The following TPTE variants were observed in gnomAD, a reference collection of about 807,000 sequenced individuals.
TPTE encodes transmembrane phosphatase with tensin homology.
A neutral mutation model predicts 84.1 loss-of-function variants in TPTE; 59 were observed. That is an observed-to-expected ratio of 0.70 (90% CI 0.57 to 0.87). TPTE has a LOEUF of 0.87. Ranked by LOEUF, TPTE falls within the 40% of genes least tolerant of loss-of-function variation. The pLI, the probability that TPTE is intolerant of heterozygous loss-of-function variation, is 0.00. For synonymous variants in TPTE, 130 were observed against 223.5 expected, an observed-to-expected ratio of 0.58 and a Z score of 3.73; for missense variants, 382 against 659.6, an observed-to-expected ratio of 0.58 and a Z score of 4.61.
chr21:10,530,624 A>G (rs1300470889), intron 3 of TPTE, among the ~76,000 whole-genome samples: 2 of 152,302 alleles, frequency 1.3e-5, no homozygotes, highest in Non-Finnish European at 1.5e-5. Context: ...CCGCTAAATA[A>G]TTATCCTTAT....
intron 1 of TPTE, among the ~76,000 whole-genome samples, chr21:10,522,239 G>A (rs2073993719): frequency 6.6e-6 from 1 of 152,402 alleles, no homozygotes; most frequent in Non-Finnish European, 1.5e-5. Flanking sequence ...TTCCGCCCAC[G>A]GGAAGGTGCG....
chr21:10,542,741 G>C (rs1311095229), intron 6 of TPTE, among the ~76,000 whole-genome samples: 1 of 152,288 alleles, frequency 6.6e-6, no homozygotes, highest in Non-Finnish European at 1.5e-5. Context: ...CATGGCCATA[G>C]AGATTTTTTT....
intron 7 of TPTE, among the ~76,000 whole-genome samples, chr21:10,551,373 C>A: frequency 6.6e-6 from 1 of 152,304 alleles, no homozygotes; most frequent in Non-Finnish European, 1.5e-5. Flanking sequence ...CAACATGGCA[C>A]ATGTATACAT....
intron 23 of TPTE, 44 bp downstream of exon 23, chr21:10,603,676 T>G (rs775528148): frequency 7.5e-6 from 12 of 1,598,532 alleles, no homozygotes; most frequent in Middle Eastern, 1.7e-4. Flanking sequence ...TAATCTTCAA[T>G]GTCTATGTAT....
intron 19 of TPTE, among the ~76,000 whole-genome samples, chr21:10,594,711 T>G (rs867310519): frequency 2.0e-4 from 30 of 152,388 alleles, no homozygotes; most frequent in South Asian, 6.2e-4. Context: ...CTAACTGTAG[T>G]CCAGAACTAG....
At chr21:10,572,927 A>G (rs1404387782) in intron 14 of TPTE, among the ~76,000 whole-genome samples, 2 of 152,308 alleles carry the variant, frequency 1.3e-5, no homozygotes, top group Admixed American at 6.5e-5. Context: ...AAAAGAACAA[A>G]GGATATACAA....
At chr21:10,588,955 G>A (rs2075415202) in intron 17 of TPTE, among the ~76,000 whole-genome samples, 1 of 152,304 alleles carries the variant, frequency 6.6e-6, no homozygotes, top group African/African-American at 2.4e-5. Flanking sequence ...ATCTCATTGA[G>A]CTTCCTTGCA....
chr21:10,566,648 T>C (rs1343150708), intron 10 of TPTE, among the ~76,000 whole-genome samples: 1 of 152,306 alleles, frequency 6.6e-6, no homozygotes, highest in Non-Finnish European at 1.5e-5. Context: ...ATATAGTACA[T>C]ATACACAAGA....
intron 14 of TPTE, 41 bp downstream of exon 14, chr21:10,570,590 T>G (rs762305679): frequency 6.2e-7 from 1 of 1,613,764 alleles, no homozygotes; most frequent in Non-Finnish European, 8.5e-7. Flanking sequence ...TCTTAGTGAA[T>G]GTAGACTGTG....
At chr21:10,596,251 A>G (rs879189427) in intron 20 of TPTE, among the ~76,000 whole-genome samples, 164 bp downstream of exon 20, 32 of 152,268 alleles carry the variant, frequency 2.1e-4, no homozygotes, top group South Asian at 1.2e-3. Flanking sequence ...TCCTCCTGCA[A>G]TTGCCCATTG....
intron 17 of TPTE, among the ~76,000 whole-genome samples, chr21:10,580,155 T>G (rs1382797881): frequency 1.3e-5 from 2 of 152,428 alleles, no homozygotes; most frequent in East Asian, 1.9e-4. Flanking sequence ...GTGTGTCTTC[T>G]GTTGAGAAAT....
At chr21:10,543,225 G>C in intron 6 of TPTE, 104 bp from the exon 7 acceptor site, 1 of 1,418,052 alleles carries the variant, frequency 7.1e-7, no homozygotes, top group Non-Finnish European at 9.5e-7. Flanking sequence ...GTAGAGACGG[G>C]GTTTCACCTT....
intron 7 of TPTE, among the ~76,000 whole-genome samples, chr21:10,543,639 C>G (rs1256382332): frequency 6.6e-6 from 1 of 152,306 alleles, no homozygotes; most frequent in Non-Finnish European, 1.5e-5. Context: ...CTCATTGTAG[C>G]ATTTGTAGAT....
chr21:10,565,044 A>C (rs1464845006), intron 10 of TPTE, among the ~76,000 whole-genome samples: 15 of 152,306 alleles, frequency 9.8e-5, no homozygotes, highest in Non-Finnish European at 1.2e-4. Context: ...AAAGAAATCC[A>C]AATTGGGATG....
intron 7 of TPTE, among the ~76,000 whole-genome samples, chr21:10,551,378 A>G (rs1216206480): frequency 2.6e-5 from 4 of 152,312 alleles, no homozygotes; most frequent in African/African-American, 7.2e-5. Flanking sequence ...TGGCACATGT[A>G]TACATATGTA....
chr21:10,542,356 A>G, intron 5 of TPTE, 39 bp from the exon 6 acceptor site: 2 of 1,605,746 alleles, frequency 1.2e-6, no homozygotes, highest in Non-Finnish European at 1.7e-6. Flanking sequence ...ATTCAGAATT[A>G]TGTCTCCTCT....
chr21:10,532,752 A>G (rs1411616905), intron 3 of TPTE, among the ~76,000 whole-genome samples: 1 of 152,302 alleles, frequency 6.6e-6, no homozygotes, highest in Non-Finnish European at 1.5e-5. Context: ...AGAGGCATTC[A>G]GTAATGTGTA....
chr21:10,602,850 G>T (rs1298279521), intron 22 of TPTE: 1 of 518,086 alleles, frequency 1.9e-6, no homozygotes, highest in South Asian at 1.4e-5. Flanking sequence ...AGGGACCTGA[G>T]AGTGGAAGCC....
chr21:10,557,731 G>T (rs1204544642), intron 8 of TPTE, among the ~76,000 whole-genome samples: 1 of 152,310 alleles, frequency 6.6e-6, no homozygotes, highest in Non-Finnish European at 1.5e-5. Flanking sequence ...TTCATCAAAG[G>T]CCAATTTTTT....
Sources: gnomAD v4.1 joint callset for allele counts (sites outside exome capture counted in the v4.1 genomes callset) on GRCh38, gnomAD v4.1.1 for gene constraint, MANE v1.5 for transcripts, NCBI Gene and HGNC (gene_info 2026-07-23, HGNC 2026-07-21) for gene names.